SIL1: variants seen among roughly 807,000 people sequenced by gnomAD.
The protein encoded by SIL1 is nucleotide exchange factor SIL1.
A neutral mutation model predicts 49.1 loss-of-function variants in SIL1; 40 were observed. That is an observed-to-expected ratio of 0.81 (90% confidence interval 0.63 to 1.06). The LOEUF is 1.06. Ranked by LOEUF, SIL1 falls within the 50% of genes least tolerant of loss-of-function variation. SIL1 has a pLI of 0.00. For synonymous variants in SIL1, 253 were observed against 250.8 expected (o/e 1.01, Z -0.08); for missense variants, 500 against 572.6 (o/e 0.87, Z 1.29).
At position 139,103,698 on chromosome 5, in the gene SIL1, T is replaced by C. The variant is rs567030635; in HGVS notation, c.244+17337A>G. On this transcript the variant is annotated intron_variant, in intron 3 of 9. Coordinates refer to ENST00000394817, the MANE Select transcript of SIL1 (RefSeq NM_022464.5). The stretch of plus-strand genomic sequence containing the variant: ...GCAAATTCTCACTCCCCTCCCCCAA[T>C]TCATTACCAATCATCTTTAAAATGA... Among the ~76,000 whole-genome samples the C allele has an allele frequency of 6.6e-5, 10 of 152,346 alleles. No homozygotes were observed. In the South Asian group the frequency reaches 2.1e-3, roughly 32 times the overall value.
intron 3 of SIL1, among the ~76,000 whole-genome samples, chr5:139,099,025 C>T (rs1167148533): frequency 6.6e-6 from 1 of 151,880 alleles, no homozygotes; most frequent in Non-Finnish European, 1.5e-5. Flanking sequence ...CCATGTTGGC[C>T]AGGTTGTTCT....
At chr5:139,178,897 T>C (rs1751932845) in intron 1 of SIL1, among the ~76,000 whole-genome samples, 1 of 152,126 alleles carries the variant, frequency 6.6e-6, no homozygotes, top group South Asian at 2.1e-4. Context: ...AAAAATAAAA[T>C]TTCAGAGAGA....
intron 5 of SIL1, among the ~76,000 whole-genome samples, chr5:139,032,000 G>C (rs1326173791): frequency 6.6e-6 from 1 of 152,116 alleles, no homozygotes; most frequent in Non-Finnish European, 1.5e-5. Context: ...ATTAATTCTA[G>C]AAGACTTTTT....
chr5:138,998,466 C>A (rs764371475), intron 7 of SIL1, among the ~76,000 whole-genome samples: 13 of 152,178 alleles, frequency 8.5e-5, no homozygotes, highest in Non-Finnish European at 1.8e-4. Context: ...CTGTGCTCAG[C>A]TGAGGCTGGG....
intron 5 of SIL1, among the ~76,000 whole-genome samples, chr5:139,033,119 G>A (rs541454512): frequency 5.3e-5 from 8 of 151,980 alleles, no homozygotes; most frequent in South Asian, 2.1e-4. Context: ...TCAGTCTCCC[G>A]AGTAGCTCGG....
At position 138,959,660 on chromosome 5, in the gene SIL1, T is replaced by C. The variant is rs960455503; in HGVS notation, c.768-7776A>G. On this transcript the variant is annotated intron_variant, in intron 7 of 9. Coordinates refer to ENST00000394817, the MANE Select transcript of SIL1 (RefSeq NM_022464.5). ...TCTGCAGTCATTCTCAGGGTGACTC[T>C]TGAAACTCTCCACTTTCCTGACAAT... Among the ~76,000 whole-genome samples the C allele has an allele frequency of 2.6e-5, 4 of 152,342 alleles. No individual in the cohort carries two copies. In the East Asian group the frequency reaches 5.8e-4, roughly 22 times the overall value.
In SIL1 at chr5:139,150,835, C is replaced by G. The variant is rs142691870; in HGVS notation, c.-10-22982G>C. On this transcript the variant is annotated intron_variant, in intron 1 of 9. Transcript: ENST00000394817. ...TTTGGGAGCCTAGCCCAAAGCCAAG[C>G]CTTCAATTATGGGAATTATATCCCA... Among the ~76,000 whole-genome samples the G allele has an allele frequency of 9.3e-4, 141 of 152,216 alleles. 1 individual carries two copies. Among genetic ancestry groups the G allele is most frequent in the Admixed American group, 1.5e-3 (23 of 15,284 alleles).
At position 139,177,058 on chromosome 5, in the gene SIL1, G is replaced by A. The variant is rs559642239; in HGVS notation, c.-11+21211C>T. ...TGCCATTCTCCTGCCTCAGCCTCCC[G>A]AGTAGCTGGAACTACAGGCGCCCGC... On this transcript the variant is annotated intron_variant, in intron 1 of 9. Coordinates refer to ENST00000394817, the MANE Select transcript of SIL1 (RefSeq NM_022464.5). 8.2e-5 allele frequency among the ~76,000 whole-genome samples: 12 copies of A among 146,570 alleles called. No homozygotes were observed. The South Asian group carries it at 1.1e-3, about 14-fold the overall frequency.
chr5:138,972,042 T>G (rs898351301), intron 7 of SIL1, among the ~76,000 whole-genome samples: 3 of 152,154 alleles, frequency 2.0e-5, no homozygotes, highest in Non-Finnish European at 4.4e-5. Context: ...GAATGAGCTC[T>G]GTAGGGTCCC....
Position 138,997,093 on chromosome 5 carries a change from C to T in SIL1, c.767+24078G>A, listed in dbSNP as rs1440527420. Among the ~76,000 whole-genome samples, 4 of 152,040 alleles carry T rather than the reference C, an allele frequency of 2.6e-5. No homozygotes were observed. In the East Asian group the frequency reaches 5.8e-4, roughly 22 times the overall value. ...GACTACAGGAATGCAACACTGTGCC[C>T]AGCTAGTTTTATTTTTTATAGAGAA... On this transcript the variant is annotated intron_variant, in intron 7 of 9. Coordinates refer to ENST00000394817, the MANE Select transcript of SIL1 (RefSeq NM_022464.5).
chr5:139,143,788 C>G (rs1023967238), intron 1 of SIL1, among the ~76,000 whole-genome samples: 1 of 152,078 alleles, frequency 6.6e-6, no homozygotes, highest in African/African-American at 2.4e-5. Context: ...ATTTCTATAT[C>G]CCAGAGATGA....
chr5:138,956,737 T>C (rs1766910786), intron 7 of SIL1, among the ~76,000 whole-genome samples: 1 of 138,758 alleles, frequency 7.2e-6, no homozygotes. Context: ...AGCAAGACTC[T>C]ATCTTAAAAA....
intron 3 of SIL1, among the ~76,000 whole-genome samples, chr5:139,109,271 T>G (rs1346987514): frequency 6.6e-6 from 1 of 152,176 alleles, no homozygotes; most frequent in Non-Finnish European, 1.5e-5. Flanking sequence ...CCTCTACATC[T>G]ACAATTTAAC....
intron 3 of SIL1, among the ~76,000 whole-genome samples, chr5:139,092,348 C>T (rs1052689822): frequency 1.3e-5 from 2 of 152,122 alleles, no homozygotes; most frequent in Non-Finnish European, 2.9e-5. Context: ...AGAAATTTCT[C>T]CTTTGTAAGT....
At chr5:138,983,932 T>C (rs1194750146) in intron 7 of SIL1, among the ~76,000 whole-genome samples, 1 of 152,198 alleles carries the variant, frequency 6.6e-6, no homozygotes, top group East Asian at 1.9e-4. Flanking sequence ...GGCAGATAGG[T>C]GGGACAGGAG....
At chr5:139,048,627 C>T (rs1181877882) in intron 4 of SIL1, among the ~76,000 whole-genome samples, 1 of 152,102 alleles carries the variant, frequency 6.6e-6, no homozygotes, top group Non-Finnish European at 1.5e-5. Context: ...GCCTCAGCCT[C>T]CCAAAATGTT....
intron 1 of SIL1, among the ~76,000 whole-genome samples, chr5:139,155,085 G>A (rs911080171): frequency 2.0e-5 from 3 of 152,168 alleles, no homozygotes; most frequent in African/African-American, 4.8e-5. Context: ...ACTAAATACC[G>A]CTGTAAAAAT....
At chr5:139,173,506 T>A (rs1446500016) in intron 1 of SIL1, among the ~76,000 whole-genome samples, 1 of 151,662 alleles carries the variant, frequency 6.6e-6, no homozygotes, top group East Asian at 1.9e-4. Flanking sequence ...GCCAAGATCA[T>A]GCTACTGCAC....
chr5:138,950,010 C>T (rs1037829244), intron 9 of SIL1, among the ~76,000 whole-genome samples: 3 of 152,114 alleles, frequency 2.0e-5, no homozygotes, highest in Non-Finnish European at 4.4e-5. Flanking sequence ...CATGTCAGCA[C>T]CCCAAAGCTT....
Sources: allele counts gnomAD v4.1 joint callset (sites outside exome capture counted in the v4.1 genomes callset), GRCh38; gene constraint gnomAD v4.1.1; transcripts MANE v1.5; gene names NCBI Gene and HGNC (gene_info 2026-07-23, HGNC 2026-07-21).